The following COL23A1 variants were observed in gnomAD, a reference collection of about 807,000 sequenced individuals.
COL23A1 encodes collagen type XXIII alpha 1 chain, also known as collagen alpha-1(XXIII) chain.
Under a neutral mutation model 99.3 loss-of-function variants are expected in COL23A1, and 97 were observed. That is an observed-to-expected ratio of 0.98 (90% confidence interval 0.83 to 1.16). The LOEUF is 1.16. Among genes scored for constraint, COL23A1 ranks in the 50% most tolerant of loss-of-function variants. COL23A1 has a pLI of 0.00. For missense variants in COL23A1, 762 were observed against 757.4 expected (o/e 1.01, Z -0.07); for synonymous variants, 320 against 308.2 (o/e 1.04, Z -0.40).
chr5:178,347,244 C>T (rs1278823443), intron 2 of COL23A1, among the ~76,000 whole-genome samples: 1 of 152,204 alleles, frequency 6.6e-6, no homozygotes, highest in Non-Finnish European at 1.5e-5. Context: ...GACCGAAGGA[C>T]TGGATTTTAT....
chr5:178,506,506 G>A (rs1294007391), intron 2 of COL23A1, among the ~76,000 whole-genome samples: 2 of 152,206 alleles, frequency 1.3e-5, no homozygotes, highest in African/African-American at 4.8e-5. Context: ...AAAGAGCAAT[G>A]CCTGGGCCAA....
At chr5:178,555,300 G>A (rs1011763527) in intron 2 of COL23A1, among the ~76,000 whole-genome samples, 4 of 152,150 alleles carry the variant, frequency 2.6e-5, no homozygotes, top group African/African-American at 7.2e-5. Context: ...TTCAAGATAC[G>A]AATATGGGAG....
chr5:178,418,266 T>C (rs1765417973), intron 2 of COL23A1, among the ~76,000 whole-genome samples: 1 of 152,234 alleles, frequency 6.6e-6, no homozygotes, highest in Non-Finnish European at 1.5e-5. Flanking sequence ...TCTTTGAAGG[T>C]TGGCTCTTAT....
intron 2 of COL23A1, among the ~76,000 whole-genome samples, chr5:178,399,659 G>A (rs1287697770): frequency 1.3e-5 from 2 of 152,194 alleles, no homozygotes; most frequent in African/African-American, 4.8e-5. Flanking sequence ...GTTGTGGGGA[G>A]GGTAGCAAAA....
At chr5:178,258,790 G>A (rs866489901) in intron 12 of COL23A1, among the ~76,000 whole-genome samples, 1 of 152,040 alleles carries the variant, frequency 6.6e-6, no homozygotes, top group Non-Finnish European at 1.5e-5. Context: ...AACCTCCTGG[G>A]CTCAAGCGAT....
chr5:178,487,474 C>T (rs904511198), intron 2 of COL23A1, among the ~76,000 whole-genome samples: 10 of 152,090 alleles, frequency 6.6e-5, no homozygotes, highest in Middle Eastern at 3.2e-3. Context: ...CGTGCAACCA[C>T]CATGCTCAGC....
intron 12 of COL23A1, among the ~76,000 whole-genome samples, chr5:178,258,262 T>TATATATATATATATATATATATACATAC: frequency 2.9e-5 from 3 of 104,064 alleles, no homozygotes; most frequent in East Asian, 5.0e-4. Context: ...TATATATATA[T>TATATATATATATATATATATATACATAC]ACACATGCAA....
At chr5:178,344,627 A>G (rs996599781) in intron 2 of COL23A1, among the ~76,000 whole-genome samples, 2 of 151,634 alleles carry the variant, frequency 1.3e-5, no homozygotes, top group Non-Finnish European at 2.9e-5. Context: ...TGGGCGACAG[A>G]GCGAGATTCT....
rs549112123 is a variant in COL23A1 at position 178,577,110 on chromosome 5, C to T, written c.294+12794G>A. On this transcript the variant is annotated intron_variant, in intron 1 of 28. Coordinates refer to ENST00000390654, the MANE Select transcript of COL23A1 (RefSeq NM_173465.4). ...CTCCGCGCCCTGTGGGCCGAGGCCC[C>T]GGCGCTCCTCGCTCAGCCCAACTCC... 2.6e-5 allele frequency among the ~76,000 whole-genome samples: 4 copies of T among 152,300 alleles called. No individual in the cohort carries two copies. In the East Asian group the frequency reaches 7.8e-4, roughly 30 times the overall value.
At chr5:178,320,912 C>T (rs1420917611) in intron 2 of COL23A1, among the ~76,000 whole-genome samples, 1 of 152,226 alleles carries the variant, frequency 6.6e-6, no homozygotes, top group Non-Finnish European at 1.5e-5. Context: ...GCCTCCTGCG[C>T]ACTCCAGAGG....
intron 2 of COL23A1, among the ~76,000 whole-genome samples, chr5:178,401,586 A>C (rs894585696): frequency 6.6e-6 from 1 of 152,122 alleles, no homozygotes; most frequent in Admixed American, 6.5e-5. Flanking sequence ...GTTATTTCCA[A>C]TTTGGGTAAT....
intron 5 of COL23A1, among the ~76,000 whole-genome samples, chr5:178,286,162 C>T (rs73342858): frequency 0.02 from 3,030 of 152,302 alleles, 86 homozygotes; most frequent in African/African-American, 0.07. Flanking sequence ...GGCTGTGATA[C>T]CAGCTTCCTG....
chr5:178,538,903 T>A (rs1302895136), intron 2 of COL23A1, among the ~76,000 whole-genome samples: 2 of 152,092 alleles, frequency 1.3e-5, no homozygotes, highest in Admixed American at 1.3e-4. Flanking sequence ...AAAAAAAGAA[T>A]CAAGTATGGA....
rs947674884 is a variant in COL23A1 at position 178,334,245 on chromosome 5, C to T, written c.362-27326G>A. Among the ~76,000 whole-genome samples, 14 of 152,282 alleles carry T rather than the reference C, an allele frequency of 9.2e-5. 1 individual carries two copies. Among genetic ancestry groups the T allele is most frequent in the Admixed American group, 2.6e-4 (4 of 15,286 alleles). ...GTTTATTAAACTCCCACTGTGTGCC[C>T]GGCGCAGTGCTGGGTGTGTCCACAT... On this transcript the variant is annotated intron_variant, in intron 2 of 28. Transcript: ENST00000390654.
chr5:178,506,604 C>T (rs889180690), intron 2 of COL23A1, among the ~76,000 whole-genome samples: 3 of 152,118 alleles, frequency 2.0e-5, no homozygotes, highest in Non-Finnish European at 2.9e-5. Flanking sequence ...ACCATATTAA[C>T]GCAATTATGT....
At chr5:178,436,654 A>C (rs1766580731) in intron 2 of COL23A1, among the ~76,000 whole-genome samples, 1 of 152,188 alleles carries the variant, frequency 6.6e-6, no homozygotes, top group Non-Finnish European at 1.5e-5. Context: ...AGCGGTGGTG[A>C]CCAGCTAAGC....
intron 2 of COL23A1, among the ~76,000 whole-genome samples, chr5:178,375,182 A>G (rs1763007455): frequency 6.6e-6 from 1 of 151,656 alleles, no homozygotes; most frequent in South Asian, 2.1e-4. Flanking sequence ...CACACGCTGC[A>G]GGAGTCCATT....
chr5:178,553,679 C>A (rs1310472839), intron 2 of COL23A1, among the ~76,000 whole-genome samples: 3 of 152,220 alleles, frequency 2.0e-5, no homozygotes, highest in Non-Finnish European at 4.4e-5. Flanking sequence ...CTGCTCGAGG[C>A]CTTCTGGGCA....
intron 2 of COL23A1, among the ~76,000 whole-genome samples, chr5:178,319,922 C>T (rs960653108): frequency 2.6e-5 from 4 of 152,204 alleles, no homozygotes; most frequent in South Asian, 4.1e-4. Flanking sequence ...TGCACCCGGC[C>T]GCATGCCCCT....
Sources: gnomAD v4.1 joint callset for allele counts (sites outside exome capture counted in the v4.1 genomes callset) on GRCh38, gnomAD v4.1.1 for gene constraint, MANE v1.5 for transcripts, NCBI Gene and HGNC (gene_info 2026-07-23, HGNC 2026-07-21) for gene names.